The following KCNB2 variants were observed in gnomAD, a reference collection of about 807,000 sequenced individuals.
KCNB2 encodes the protein delayed rectifier potassium channel protein.
KCNB2 carries 15 observed loss-of-function variants against 61.5 expected under a neutral mutation model. The ratio of observed to expected loss-of-function variants is 0.24; its 90% CI spans 0.16 to 0.38. The LOEUF is 0.38. Among genes scored for constraint, KCNB2 ranks in the 10% least tolerant of loss-of-function variants. The pLI, the probability that KCNB2 is intolerant of heterozygous loss-of-function variation, is 1.00. For missense variants in KCNB2, 828 were observed against 1,125.2 expected (o/e 0.74, Z 3.78); for synonymous variants, 457 against 446.0 (o/e 1.02, Z -0.31).
chr8:72,688,757 C>A (rs1378688882), intron 2 of KCNB2, among the ~76,000 whole-genome samples: 1 of 152,074 alleles, frequency 6.6e-6, no homozygotes, highest in African/African-American at 2.4e-5. Flanking sequence ...GACAAGGTCT[C>A]ACTCTGTTAC....
chr8:72,592,498 G>A (rs1807116696), intron 2 of KCNB2, among the ~76,000 whole-genome samples: 1 of 151,506 alleles, frequency 6.6e-6, no homozygotes, highest in Non-Finnish European at 1.5e-5. Context: ...ATTTCTGCAT[G>A]TAAAGTCTAC....
chr8:72,613,926 GA>G (rs1175855139), intron 2 of KCNB2, among the ~76,000 whole-genome samples: 5 of 152,304 alleles, frequency 3.3e-5, no homozygotes, highest in African/African-American at 1.2e-4. Flanking sequence ...TCAATACGCA[GA>G]GATTATGGGT....
At chr8:72,546,721 T>A (rs1806264595) in intron 1 of KCNB2, among the ~76,000 whole-genome samples, 1 of 152,168 alleles carries the variant, frequency 6.6e-6, no homozygotes, top group Non-Finnish European at 1.5e-5. Context: ...AGCCTTGAAC[T>A]CCTGGGCTCA....
chr8:72,818,185 A>G (rs2129000881), intron 2 of KCNB2, among the ~76,000 whole-genome samples: 1 of 152,264 alleles, frequency 6.6e-6, no homozygotes, highest in African/African-American at 2.4e-5. Context: ...AACAACAACA[A>G]AATCTTTAAA....
intron 2 of KCNB2, among the ~76,000 whole-genome samples, chr8:72,867,242 C>T (rs1408089887): frequency 1.3e-5 from 2 of 152,216 alleles, no homozygotes; most frequent in Non-Finnish European, 2.9e-5. Flanking sequence ...TATTGTGAAG[C>T]ATATGGCTTG....
At chr8:72,859,956 T>C (rs1050009969) in intron 2 of KCNB2, among the ~76,000 whole-genome samples, 14 of 151,794 alleles carry the variant, frequency 9.2e-5, no homozygotes, top group Admixed American at 9.2e-4. Context: ...CGACCTCAGG[T>C]GATCCACCCG....
In KCNB2 at chr8:72,851,932, A is replaced by C. The variant is rs921353076; in HGVS notation, c.580-84003A>C. Among the ~76,000 whole-genome samples the C allele has an allele frequency of 6.7e-5, 10 of 149,416 alleles. No individual in the cohort carries two copies. The East Asian group carries it at 2.0e-3, about 29-fold the overall frequency. ...TAAGAAAATCTGGTGTGTTATGTGT[A>C]AAAGATAAAAGGGCACATAGAGGCT... On this transcript the variant is annotated intron_variant, in intron 2 of 2. Coordinates refer to ENST00000523207, the MANE Select transcript of KCNB2 (RefSeq NM_004770.3).
chr8:72,748,825 T>C (rs1808130420), intron 2 of KCNB2, among the ~76,000 whole-genome samples: 1 of 152,162 alleles, frequency 6.6e-6, no homozygotes, highest in Non-Finnish European at 1.5e-5. Flanking sequence ...AATTAACATA[T>C]GTATTACCTC....
At chr8:72,706,621 G>C (rs145199707) in intron 2 of KCNB2, among the ~76,000 whole-genome samples, 53 of 152,194 alleles carry the variant, frequency 3.5e-4, no homozygotes, top group African/African-American at 1.2e-3. Flanking sequence ...TTCTATCTAT[G>C]CACACTGCTG....
In KCNB2 at chr8:72,913,786, A is replaced by G. The variant is rs77640952; in HGVS notation, c.580-22149A>G. 9.2e-5 allele frequency among the ~76,000 whole-genome samples: 14 copies of G among 152,334 alleles called. No homozygotes were observed. In the East Asian group the frequency reaches 2.7e-3, roughly 29 times the overall value. ...TGTTCGTATCTCTTCTGCAGTACTCAGATGTTACTTTGGTTCTCCAGATAT... is the reference window on the plus strand; with the variant it reads ...TGTTCGTATCTCTTCTGCAGTACTCGGATGTTACTTTGGTTCTCCAGATAT... On this transcript the variant is annotated intron_variant, in intron 2 of 2. Transcript: ENST00000523207.
chr8:72,673,501 T>C (rs868421185), intron 2 of KCNB2, among the ~76,000 whole-genome samples: 1 of 152,162 alleles, frequency 6.6e-6, no homozygotes, highest in Admixed American at 6.5e-5. Context: ...GAACTGTGAG[T>C]CAATTAAACC....
intron 1 of KCNB2, among the ~76,000 whole-genome samples, chr8:72,563,457 C>G (rs1407047412): frequency 2.0e-5 from 3 of 152,030 alleles, no homozygotes; most frequent in African/African-American, 4.8e-5. Flanking sequence ...TATTTTCAGC[C>G]TAGGAGGCCT....
chr8:72,654,463 A>T (rs2128986711), intron 2 of KCNB2, among the ~76,000 whole-genome samples: 1 of 152,306 alleles, frequency 6.6e-6, no homozygotes, highest in Admixed American at 6.5e-5. Flanking sequence ...CCCAAGGGAG[A>T]TAACCAATAC....
chr8:72,683,557 A>T (rs1224119086), intron 2 of KCNB2, among the ~76,000 whole-genome samples: 1 of 152,166 alleles, frequency 6.6e-6, no homozygotes, highest in Non-Finnish European at 1.5e-5. Flanking sequence ...GCTGAAGTGT[A>T]TCCTTCTACT....
chr8:72,911,380 C>G (rs761962840), intron 2 of KCNB2, among the ~76,000 whole-genome samples: 1 of 152,200 alleles, frequency 6.6e-6, no homozygotes, highest in Non-Finnish European at 1.5e-5. Flanking sequence ...TTTATTTGTC[C>G]GAACACACAT....
intron 2 of KCNB2, among the ~76,000 whole-genome samples, chr8:72,587,418 T>G (rs1249751400): frequency 6.6e-6 from 1 of 152,160 alleles, no homozygotes; most frequent in Admixed American, 6.5e-5. Flanking sequence ...TTATGTAGTC[T>G]TAGTCCAAAT....
intron 2 of KCNB2, among the ~76,000 whole-genome samples, chr8:72,647,886 T>C (rs962762749): frequency 1.3e-5 from 2 of 152,168 alleles, no homozygotes; most frequent in Non-Finnish European, 2.9e-5. Context: ...TTTCAGGTAC[T>C]TGAGAAAGGC....
chr8:72,829,552 A>G (rs527535399), intron 2 of KCNB2, among the ~76,000 whole-genome samples: 1 of 152,230 alleles, frequency 6.6e-6, no homozygotes, highest in East Asian at 1.9e-4. Context: ...AGTTCTCACC[A>G]CAGCTGTATA....
intron 2 of KCNB2, among the ~76,000 whole-genome samples, chr8:72,735,728 G>C (rs1484483707): frequency 6.6e-6 from 1 of 152,176 alleles, no homozygotes; most frequent in Admixed American, 6.5e-5. Context: ...GGCACAGTTT[G>C]TGTAGGAATA....
Sources: allele counts gnomAD v4.1 joint callset (sites outside exome capture counted in the v4.1 genomes callset), GRCh38; gene constraint gnomAD v4.1.1; transcripts MANE v1.5; gene names NCBI Gene and HGNC (gene_info 2026-07-23, HGNC 2026-07-21).